The following CDA variants were observed in gnomAD, a reference collection of about 807,000 sequenced individuals.
CDA encodes cytidine deaminase, also known as cytidine aminohydrolase.
In CDA, 7 loss-of-function variants were observed where a neutral mutation model predicts 15.0. The observed-to-expected ratio is 0.47, with a 90% CI of 0.26 to 0.87. The LOEUF is 0.87. Among genes scored for constraint, CDA ranks in the 40% least tolerant of loss-of-function variants. The pLI, the probability that CDA is intolerant of heterozygous loss-of-function variation, is 0.15. For missense variants in CDA, 159 were observed against 182.7 expected (o/e 0.87, Z 0.75); for synonymous variants, 58 against 73.0 (o/e 0.79, Z 1.05).
intron 2 of CDA, among the ~76,000 whole-genome samples, chr1:20,605,291 T>C (rs1220726117): frequency 6.6e-6 from 1 of 152,056 alleles, no homozygotes; most frequent in Non-Finnish European, 1.5e-5. Flanking sequence ...AGTATGCCCC[T>C]GTTCCAGCAA....
At chr1:20,591,660 G>T (rs2052549596) in intron 1 of CDA, among the ~76,000 whole-genome samples, 1 of 152,118 alleles carries the variant, frequency 6.6e-6, no homozygotes, top group East Asian at 1.9e-4. Context: ...CATTTGCATT[G>T]CAGGGAAAGA....
intron 3 of CDA, among the ~76,000 whole-genome samples, chr1:20,617,701 T>TA (rs59007214): frequency 0.15 from 22,646 of 147,272 alleles, 1,918 homozygotes; most frequent in Middle Eastern, 0.24. Flanking sequence ...TATTTTATTT[T>TA]TTTTTTTTTT....
At chr1:20,606,561 G>C (rs1343897811) in intron 2 of CDA, among the ~76,000 whole-genome samples, 2 of 152,010 alleles carry the variant, frequency 1.3e-5, no homozygotes, top group African/African-American at 2.4e-5. Flanking sequence ...TTCTCCACAA[G>C]CTGATGCTAG....
intron 3 of CDA, among the ~76,000 whole-genome samples, chr1:20,617,470 C>CA (rs779310614): frequency 2.6e-4 from 39 of 152,062 alleles, no homozygotes; most frequent in Admixed American, 5.2e-4. Context: ...TGGTGGGAGG[C>CA]AATTGAATCA....
At chr1:20,594,916 G>A (rs1245759955) in intron 1 of CDA, among the ~76,000 whole-genome samples, 1 of 152,190 alleles carries the variant, frequency 6.6e-6, no homozygotes, top group Admixed American at 6.5e-5. Flanking sequence ...AGCGCCGGGT[G>A]GGTGATGGGC....
rs148175798 is a variant in CDA, at chr1:20,617,473, T to C, written c.325-979T>C. On this transcript the variant is annotated intron_variant, in intron 3 of 3. Coordinates refer to ENST00000375071, the MANE Select transcript of CDA (RefSeq NM_001785.3). Reference sequence around the variant, plus strand: ...ATGGGAGGGACCTGGTGGGAGGCAATTGAATCATGGGGGCGGGTCTTTCCC... The same window carrying C: ...ATGGGAGGGACCTGGTGGGAGGCAACTGAATCATGGGGGCGGGTCTTTCCC... 1.6e-3 allele frequency among the ~76,000 whole-genome samples: 251 copies of C among 152,264 alleles called. 1 individual carries two copies. The highest frequency in any genetic ancestry group is 5.5e-3 in the African/African-American group (228 of 41,564).
chr1:20,612,344 A>G (rs181550838), intron 2 of CDA, among the ~76,000 whole-genome samples: 1 of 152,224 alleles, frequency 6.6e-6, no homozygotes, highest in Non-Finnish European at 1.5e-5. Context: ...CTGCACATAT[A>G]CATCCAGATG....
intron 2 of CDA, among the ~76,000 whole-genome samples, chr1:20,608,020 C>T (rs2052710302): frequency 1.3e-5 from 2 of 152,188 alleles, no homozygotes; most frequent in Non-Finnish European, 1.5e-5. Context: ...TAAGTACGGC[C>T]TCAGTGTGTG....
intron 2 of CDA, among the ~76,000 whole-genome samples, chr1:20,612,752 G>A (rs1570386509): frequency 1.3e-5 from 2 of 151,964 alleles, no homozygotes; most frequent in East Asian, 3.9e-4. Flanking sequence ...AGACCATCCT[G>A]GCTAACATAG....
intron 3 of CDA, among the ~76,000 whole-genome samples, chr1:20,615,760 G>C (rs1187946434): frequency 6.6e-6 from 1 of 152,102 alleles, no homozygotes; most frequent in African/African-American, 2.4e-5. Context: ...CTGCACTTTG[G>C]GAGACTGAGG....
chr1:20,610,261 C>CTTTTTTT lies in CDA; in HGVS notation c.267-3575_267-3569dup, dbSNP rs760754305. ...CTGGCACATTCTAGGCACACATTATCTTTTTTTTTTTTATTTTATTTTATT... is the reference window on the plus strand; with the variant it reads ...CTGGCACATTCTAGGCACACATTATCTTTTTTTTTTTTTTTTTTTATTTTATTTTATT... On this transcript the variant is annotated intron_variant, in intron 2 of 3. Transcript: ENST00000375071. 1.4e-3 allele frequency among the ~76,000 whole-genome samples: 89 copies of CTTTTTTT among 62,864 alleles called. 1 individual carries two copies. Among genetic ancestry groups the CTTTTTTT allele is most frequent in the Middle Eastern group, 0.021 (2 of 94 alleles). The allele number at this position is 62,864 out of a possible 152,430, so 41.2% of individuals were successfully genotyped here.
intron 2 of CDA, among the ~76,000 whole-genome samples, chr1:20,608,113 G>C (rs1256632632): frequency 6.6e-6 from 1 of 152,212 alleles, no homozygotes; most frequent in Non-Finnish European, 1.5e-5. Context: ...GAGGGAGAAA[G>C]GGGGAAGCTG....
At chr1:20,607,306 C>T (rs1010944936) in intron 2 of CDA, among the ~76,000 whole-genome samples, 85 of 152,070 alleles carry the variant, frequency 5.6e-4, no homozygotes, top group Non-Finnish European at 7.3e-4. Flanking sequence ...AAGTAAAGCC[C>T]GAGGTGCACT....
At chr1:20,593,585 T>A (rs1372645270) in intron 1 of CDA, among the ~76,000 whole-genome samples, 1 of 152,210 alleles carries the variant, frequency 6.6e-6, no homozygotes, top group Non-Finnish European at 1.5e-5. Flanking sequence ...TGTTTTTGTT[T>A]TTGTTTTAAA....
At chr1:20,599,145 G>A (rs952876957) in intron 1 of CDA, among the ~76,000 whole-genome samples, 1 of 152,182 alleles carries the variant, frequency 6.6e-6, no homozygotes, top group Admixed American at 6.6e-5. Flanking sequence ...AAAAGGGAAA[G>A]AGAGTTCCAG....
At chr1:20,609,750 G>C (rs1473378929) in intron 2 of CDA, among the ~76,000 whole-genome samples, 1 of 152,176 alleles carries the variant, frequency 6.6e-6, no homozygotes, top group East Asian at 1.9e-4. Flanking sequence ...CTGGAATGAA[G>C]TGAAGAATAA....
At chr1:20,589,799 C>T (rs1215318303) in intron 1 of CDA, among the ~76,000 whole-genome samples, 1 of 152,144 alleles carries the variant, frequency 6.6e-6, no homozygotes, top group Admixed American at 6.5e-5. Context: ...CTGCTCTCTT[C>T]CTTCCACCCA....
At chr1:20,613,744 C>A in intron 2 of CDA, 98 bp from the exon 3 acceptor site, 1 of 1,178,150 alleles carries the variant, frequency 8.5e-7, no homozygotes, top group Non-Finnish European at 1.3e-6. Flanking sequence ...GGGGTATGAC[C>A]CAAATCAGGA....
At chr1:20,594,828 A>C (rs962034110) in intron 1 of CDA, among the ~76,000 whole-genome samples, 1 of 151,820 alleles carries the variant, frequency 6.6e-6, no homozygotes, top group Non-Finnish European at 1.5e-5. Flanking sequence ...GAAAAGAAAG[A>C]AAGCAAAGAA....
Sources: allele counts gnomAD v4.1 joint callset (sites outside exome capture counted in the v4.1 genomes callset), GRCh38; gene constraint gnomAD v4.1.1; transcripts MANE v1.5; gene names NCBI Gene and HGNC (gene_info 2026-07-23, HGNC 2026-07-21).